ZNF385D: variants seen among roughly 807,000 people sequenced by gnomAD.
ZNF385D encodes zinc finger protein 385D, also known as zinc finger protein 659.
A neutral mutation model predicts 35.8 loss-of-function variants in ZNF385D; 15 were observed. The ratio of observed to expected loss-of-function variants is 0.42; its 90% CI spans 0.28 to 0.64. The LOEUF (loss-of-function observed/expected upper bound fraction) is 0.64. Among genes scored for constraint, ZNF385D ranks in the 30% least tolerant of loss-of-function variants. ZNF385D has a pLI of 0.23. For missense variants in ZNF385D, 474 were observed against 494.6 expected, an observed-to-expected ratio of 0.96 and a Z score of 0.39; for synonymous variants, 212 against 186.8, an observed-to-expected ratio of 1.13 and a Z score of -1.10.
Position 21,664,904 on chromosome 3 carries a change from G to A in ZNF385D, c.147C>T (p.Leu49=), listed in dbSNP as rs2125261385. Residue 49 remains leucine (L), a synonymous_variant, in exon 2 of 8, where the codon CTC becomes CTT. Coordinates refer to ENST00000281523, the MANE Select transcript of ZNF385D (RefSeq NM_024697.3). ...FPLDTAAAVN[L]FPNFNAMDPI... is the part of the protein sequence containing the mutation. ...TACTTACCGCATTGAAATTGGGGAA[G>A]AGGTTGACTGCAGCTGCAGTGTCAA... 3.7e-6 allele frequency: 6 copies of A among 1,613,736 alleles called. No homozygotes were observed. The highest frequency in any genetic ancestry group is 2.2e-5 in the East Asian group (1 of 44,878).
At chr3:21,449,420 G>T (rs1306795937) in intron 4 of ZNF385D, among the ~76,000 whole-genome samples, 1 of 152,170 alleles carries the variant, frequency 6.6e-6, no homozygotes, top group Non-Finnish European at 1.5e-5. Context: ...GATATAAATA[G>T]AAGTTCTAAT....
At chr3:22,247,527 A>G (rs1699847667) in intron 2 of ZNF385D, among the ~76,000 whole-genome samples, 1 of 152,090 alleles carries the variant, frequency 6.6e-6, no homozygotes, top group African/African-American at 2.4e-5. Context: ...ATACGGTATA[A>G]TTTCTTGAAA....
At chr3:21,810,883 A>C (rs985120998) in intron 3 of ZNF385D, among the ~76,000 whole-genome samples, 9 of 151,800 alleles carry the variant, frequency 5.9e-5, no homozygotes, top group African/African-American at 1.7e-4. Context: ...GATAAATTAA[A>C]TGGTAAATTG....
intron 3 of ZNF385D, among the ~76,000 whole-genome samples, chr3:21,826,141 G>A (rs1419990959): frequency 6.6e-6 from 1 of 152,132 alleles, no homozygotes; most frequent in Non-Finnish European, 1.5e-5. Flanking sequence ...AAGTTGCTTT[G>A]ACCAGAAGTA....
intron 3 of ZNF385D, among the ~76,000 whole-genome samples, chr3:21,872,431 T>TTTTGATTCA (rs1173971158): frequency 1.3e-5 from 2 of 152,168 alleles, no homozygotes; most frequent in East Asian, 3.9e-4. Context: ...AATGAAAATC[T>TTTTGATTCA]ATTGAATTGA....
chr3:21,716,488 G>A (rs1170072593), intron 1 of ZNF385D, among the ~76,000 whole-genome samples: 2 of 151,984 alleles, frequency 1.3e-5, no homozygotes, highest in East Asian at 3.9e-4. Context: ...TTATTTCTCT[G>A]ACATACCAGA....
At position 21,583,787 on chromosome 3, in the gene ZNF385D, CTATTA is replaced by C. The variant is rs1485089053; in HGVS notation, c.166-19108_166-19104del. ...AAATTAATATTTTCATTTAAATATT[CTATTA>C]TGTTATAACTATACATAGTATGTTT... On this transcript the variant is annotated intron_variant, in intron 2 of 7. Coordinates refer to ENST00000281523, the MANE Select transcript of ZNF385D (RefSeq NM_024697.3). 2.0e-5 allele frequency among the ~76,000 whole-genome samples: 3 copies of C among 150,508 alleles called. No individual in the cohort carries two copies. In the East Asian group the frequency reaches 5.8e-4, roughly 29 times the overall value.
chr3:22,268,035 T>C (rs747492408), intron 2 of ZNF385D, among the ~76,000 whole-genome samples: 2 of 152,002 alleles, frequency 1.3e-5, no homozygotes, highest in African/African-American at 2.4e-5. Context: ...AAAGTAAGTA[T>C]GCACTACAAG....
At chr3:22,079,638 G>T (rs955208822) in intron 3 of ZNF385D, among the ~76,000 whole-genome samples, 10 of 151,910 alleles carry the variant, frequency 6.6e-5, no homozygotes, top group African/African-American at 2.4e-4. Context: ...GGGAGATACT[G>T]CACTAAAGAA....
intron 3 of ZNF385D, among the ~76,000 whole-genome samples, chr3:21,965,384 G>A (rs1305768758): frequency 6.6e-6 from 1 of 152,120 alleles, no homozygotes; most frequent in African/African-American, 2.4e-5. Context: ...ACACAAATGA[G>A]CAAGACAGAT....
Position 21,880,972 on chromosome 3 carries a change from G to C in ZNF385D, c.326-215944C>G, listed in dbSNP as rs1462667929. 2.0e-5 allele frequency among the ~76,000 whole-genome samples: 3 copies of C among 151,996 alleles called. No homozygotes were observed. The East Asian group carries it at 5.8e-4, about 29-fold the overall frequency. On this transcript the variant is annotated intron_variant, in intron 3 of 5. Coordinates refer to the ZNF385D transcript ENST00000494108. ...CAAAGCCCTAACTCTGTTCAATTCT[G>C]TGAAGGCTGAGAGAGGTGAGGAAGC...
In ZNF385D at chr3:21,787,944, C is replaced by CAAAAAA. The variant is rs560982379; in HGVS notation, c.326-122922_326-122917dup. On this transcript the variant is annotated intron_variant, in intron 3 of 5. Transcript: ENST00000494108. ...GCGACAGAGCGAGACTTCGTCTCAACAAAAAAAAAAAAAAAAAAAAAAAAA... is the reference window on the plus strand; with the variant it reads ...GCGACAGAGCGAGACTTCGTCTCAACAAAAAAAAAAAAAAAAAAAAAAAAAAAAAAA... 1.3e-3 allele frequency among the ~76,000 whole-genome samples: 96 copies of CAAAAAA among 75,382 alleles called. 7 individuals are homozygous for CAAAAAA. Among genetic ancestry groups the CAAAAAA allele is most frequent in the Non-Finnish European group, 1.5e-3 (63 of 42,636 alleles). The allele number at this position is 75,382 out of a possible 152,430, so 49.5% of individuals were successfully genotyped here.
intron 3 of ZNF385D, among the ~76,000 whole-genome samples, chr3:21,536,043 T>TGGCGTGA (rs1553607813): frequency 4.0e-5 from 6 of 150,712 alleles, no homozygotes; most frequent in Admixed American, 2.7e-4. Flanking sequence ...TATTCCCCTA[T>TGGCGTGA]ATTTTACAAG....
chr3:21,819,239 A>T (rs1028284105), intron 3 of ZNF385D, among the ~76,000 whole-genome samples: 2 of 151,934 alleles, frequency 1.3e-5, no homozygotes, highest in African/African-American at 4.8e-5. Context: ...GGCACACAAT[A>T]AGATGTTAGA....
At chr3:22,009,515 C>T (rs1405625685) in intron 3 of ZNF385D, among the ~76,000 whole-genome samples, 4 of 150,802 alleles carry the variant, frequency 2.7e-5, no homozygotes, top group Admixed American at 2.0e-4. Flanking sequence ...CCCAGCTACT[C>T]GGGAGGCTGA....
chr3:21,868,561 T>A (rs1415169733), intron 3 of ZNF385D, among the ~76,000 whole-genome samples: 1 of 152,130 alleles, frequency 6.6e-6, no homozygotes, highest in Non-Finnish European at 1.5e-5. Context: ...TCGTCATCTA[T>A]TCAGAGACAA....
At chr3:21,455,548 A>C (rs1702748736) in intron 4 of ZNF385D, among the ~76,000 whole-genome samples, 1 of 152,226 alleles carries the variant, frequency 6.6e-6, no homozygotes, top group South Asian at 2.1e-4. Flanking sequence ...GAAAGCTGAA[A>C]CTGGATCCCT....
chr3:21,432,941 A>G (rs781110579), intron 5 of ZNF385D, among the ~76,000 whole-genome samples: 1 of 151,948 alleles, frequency 6.6e-6, no homozygotes, highest in Non-Finnish European at 1.5e-5. Context: ...TGATCCCCAA[A>G]TAATGCCAGG....
chr3:21,806,824 T>G (rs2072673972), intron 3 of ZNF385D, among the ~76,000 whole-genome samples: 1 of 152,200 alleles, frequency 6.6e-6, no homozygotes, highest in South Asian at 2.1e-4. Flanking sequence ...GGGAGAAGAC[T>G]CTCAAAGAGT....
Sources: gnomAD v4.1 joint callset for allele counts (sites outside exome capture counted in the v4.1 genomes callset) on GRCh38, gnomAD v4.1.1 for gene constraint, MANE v1.5 for transcripts, NCBI Gene and HGNC (gene_info 2026-07-23, HGNC 2026-07-21) for gene names.